The following LHFPL3 variants were observed in gnomAD, a reference collection of about 807,000 sequenced individuals.
LHFPL3 encodes LHFPL tetraspan subfamily member 3.
In LHFPL3, 5 loss-of-function variants were observed where a neutral mutation model predicts 19.3. The observed-to-expected ratio is 0.26, with a 90% CI of 0.14 to 0.54. LHFPL3 has a LOEUF of 0.54. LHFPL3 is among the 20% of genes least tolerant of loss of function. The pLI, the probability that LHFPL3 is intolerant of heterozygous loss-of-function variation, is 0.94. For synonymous variants in LHFPL3, 133 were observed against 126.2 expected, an observed-to-expected ratio of 1.05 and a Z score of -0.36; for missense variants, 249 against 307.4, an observed-to-expected ratio of 0.81 and a Z score of 1.42.
At chr7:104,712,292 G>T (rs944670672) in intron 1 of LHFPL3, among the ~76,000 whole-genome samples, 1 of 152,182 alleles carries the variant, frequency 6.6e-6, no homozygotes, top group East Asian at 1.9e-4. Flanking sequence ...AGTCCTAGTG[G>T]CTGGGAAGTC....
At chr7:104,834,201 TAC>T (rs577381185) in intron 2 of LHFPL3, among the ~76,000 whole-genome samples, 75 of 151,630 alleles carry the variant, frequency 4.9e-4, no homozygotes, top group Non-Finnish European at 9.7e-4. Context: ...CCTTTGGCAA[TAC>T]CCTCACAGAC....
chr7:104,669,273 A>C, intron 1 of LHFPL3: 1 of 1,614,024 alleles, frequency 6.2e-7, no homozygotes, highest in East Asian at 2.2e-5. Context: ...GTGGGGGAAA[A>C]GTAGCTCCAG....
At chr7:104,728,742 G>A (rs1038602025) in intron 1 of LHFPL3, among the ~76,000 whole-genome samples, 2 of 151,584 alleles carry the variant, frequency 1.3e-5, no homozygotes, top group Admixed American at 6.6e-5. Context: ...CTCATTTTTC[G>A]CCTCTTCTCC....
At chr7:104,826,952 T>C (rs1426869308) in intron 2 of LHFPL3, among the ~76,000 whole-genome samples, 1 of 152,030 alleles carries the variant, frequency 6.6e-6, no homozygotes, top group Non-Finnish European at 1.5e-5. Flanking sequence ...GAAATATTCA[T>C]GCAAAGGATA....
At chr7:104,652,043 A>G (rs184338399) in intron 1 of LHFPL3, among the ~76,000 whole-genome samples, 23 of 152,348 alleles carry the variant, frequency 1.5e-4, no homozygotes, top group Admixed American at 2.6e-4. Flanking sequence ...GGAGAGAGGC[A>G]TCTGAGTTTG....
intron 1 of LHFPL3, 143 bp downstream of exon 1, chr7:104,329,367 G>C: frequency 8.9e-7 from 1 of 1,126,860 alleles, no homozygotes; most frequent in Non-Finnish European, 1.2e-6. Flanking sequence ...TGTGGGGGGC[G>C]GGAGCCCAGC....
At chr7:104,489,682 C>G (rs1255541262) in intron 1 of LHFPL3, among the ~76,000 whole-genome samples, 10 of 151,964 alleles carry the variant, frequency 6.6e-5, no homozygotes, top group African/African-American at 2.4e-4. Context: ...CCAAAGGTTA[C>G]TCCACTCTAG....
chr7:104,702,348 A>G (rs953070441), intron 1 of LHFPL3, among the ~76,000 whole-genome samples: 2 of 152,078 alleles, frequency 1.3e-5, no homozygotes, highest in African/African-American at 4.8e-5. Context: ...GGATTCCTTC[A>G]GTGTTGTTTT....
Position 104,440,037 on chromosome 7 carries a change from G to C in LHFPL3, c.445+110813G>C, listed in dbSNP as rs571295655. ...AGATTACTATATAATACAAAGCCTG[G>C]GGGGGGGGAGGGATAGCATTAGGAG... On this transcript the variant is annotated intron_variant, in intron 1 of 2. Transcript: ENST00000424859. Among the ~76,000 whole-genome samples, 53 of 140,576 alleles carry C rather than the reference G, an allele frequency of 3.8e-4. 1 individual carries two copies. The highest frequency in any genetic ancestry group is 3.2e-3 in the Admixed American group (45 of 14,132). 92.2% of individuals were successfully genotyped at this position (140,576 alleles called of 152,430 possible). A position where few individuals can be genotyped will look rare whatever the true frequency, so the allele number is the denominator to read the frequency against.
intron 2 of LHFPL3, among the ~76,000 whole-genome samples, chr7:104,824,864 A>G (rs1023464552): frequency 1.3e-4 from 17 of 133,916 alleles, no homozygotes; most frequent in Non-Finnish European, 6.2e-5. Context: ...AATTATATAT[A>G]TTATCTAATA....
At chr7:104,441,411 C>T (rs184002486) in intron 1 of LHFPL3, among the ~76,000 whole-genome samples, 643 of 152,258 alleles carry the variant, frequency 4.2e-3, no homozygotes, top group African/African-American at 0.015. Flanking sequence ...GCAGAATTTT[C>T]TTCCTCTTTA....
intron 1 of LHFPL3, chr7:104,668,847 C>G: frequency 6.2e-7 from 1 of 1,611,954 alleles, no homozygotes; most frequent in South Asian, 1.1e-5. Flanking sequence ...CCTGTTGACA[C>G]AGCTGCTAGA....
intron 1 of LHFPL3, among the ~76,000 whole-genome samples, chr7:104,530,904 C>T (rs181778448): frequency 6.6e-6 from 1 of 152,294 alleles, no homozygotes. Context: ...TACACGATAT[C>T]GATTTACACA....
chr7:104,851,870 C>T (rs538197770), intron 2 of LHFPL3, among the ~76,000 whole-genome samples: 6 of 152,190 alleles, frequency 3.9e-5, no homozygotes, highest in South Asian at 4.2e-4. Context: ...CTGCTTGGGC[C>T]GTAGCTTTCT....
chr7:104,363,790 T>C (rs1285545044), intron 1 of LHFPL3, among the ~76,000 whole-genome samples: 1 of 152,178 alleles, frequency 6.6e-6, no homozygotes, highest in Admixed American at 6.5e-5. Flanking sequence ...CAGAGTGACA[T>C]GATTTTTCTG....
intron 1 of LHFPL3, among the ~76,000 whole-genome samples, chr7:104,388,877 C>T (rs1791003616): frequency 6.6e-6 from 1 of 152,060 alleles, no homozygotes; most frequent in East Asian, 1.9e-4. Flanking sequence ...AGGGAATTTC[C>T]TCAAACTGAT....
At chr7:104,652,448 T>C (rs1792049975) in intron 1 of LHFPL3, among the ~76,000 whole-genome samples, 1 of 152,204 alleles carries the variant, frequency 6.6e-6, no homozygotes, top group South Asian at 2.1e-4. Context: ...ATTTTGGGGA[T>C]GCATGTGATA....
chr7:104,670,644 C>T (rs1584471976), intron 1 of LHFPL3, among the ~76,000 whole-genome samples: 2 of 152,290 alleles, frequency 1.3e-5, no homozygotes, highest in Admixed American at 1.3e-4. Flanking sequence ...CTGGTTCTCA[C>T]TCCTTGCCTG....
At chr7:104,753,799 C>T (rs910849866) in intron 2 of LHFPL3, among the ~76,000 whole-genome samples, 1 of 151,990 alleles carries the variant, frequency 6.6e-6, no homozygotes, top group African/African-American at 2.4e-5. Context: ...AAAGAAATGC[C>T]CAAATAATTG....
Sources: allele counts gnomAD v4.1 joint callset (sites outside exome capture counted in the v4.1 genomes callset), GRCh38; gene constraint gnomAD v4.1.1; transcripts MANE v1.5; gene names NCBI Gene and HGNC (gene_info 2026-07-23, HGNC 2026-07-21).